The following TAAR5 variants were observed in gnomAD, a reference collection of about 807,000 sequenced individuals.
The protein encoded by TAAR5 is trace amine-associated receptor 5.
In TAAR5, 27 loss-of-function variants were observed where a neutral mutation model predicts 21.1. The ratio of observed to expected loss-of-function variants is 1.28; its 90% CI spans 0.94 to 1.76. The LOEUF (loss-of-function observed/expected upper bound fraction) is 1.76, where lower values mean the gene tolerates loss of function less well. TAAR5 is among the 40% of genes most tolerant of loss of function. The probability of loss-of-function intolerance (pLI) is 0.00; values close to 1 mark genes in which losing one functional copy is unlikely to be tolerated. For missense variants in TAAR5, 495 were observed against 405.6 expected, an observed-to-expected ratio of 1.22 and a Z score of -1.89; for synonymous variants, 203 against 167.5, an observed-to-expected ratio of 1.21 and a Z score of -1.64.
the TAAR5 span, among the ~76,000 whole-genome samples, chr6:132,610,774 C>A: frequency 1.3e-5 from 2 of 152,148 alleles, no homozygotes; most frequent in African/African-American, 4.8e-5. Flanking sequence ...GAGGAGGTAG[C>A]AAAAGAGCCT....
chr6:132,602,162 G>C, the TAAR5 span, among the ~76,000 whole-genome samples: 2 of 151,982 alleles, frequency 1.3e-5, no homozygotes, highest in African/African-American at 4.8e-5. Flanking sequence ...TTGGCACCAG[G>C]GACTGGTTTC....
At chr6:132,604,785 G>A in the TAAR5 span, among the ~76,000 whole-genome samples, 48 of 152,224 alleles carry the variant, frequency 3.2e-4, no homozygotes, top group South Asian at 1.0e-3. Context: ...TGACTGAGGA[G>A]AGTTTAATAA....
At chr6:132,593,134 G>A (rs145795639), upstream of TAAR5, among the ~76,000 whole-genome samples, 37 of 152,200 alleles carry the variant, frequency 2.4e-4, no homozygotes, top group Non-Finnish European at 4.4e-4. Context: ...TCTAATAGAG[G>A]CTCTGGTTCC....
At chr6:132,610,950 C>G in the TAAR5 span, among the ~76,000 whole-genome samples, 7 of 151,928 alleles carry the variant, frequency 4.6e-5, no homozygotes, top group Admixed American at 4.6e-4. Context: ...TTCTTGTAAA[C>G]AAATAGGAAA....
At position 132,589,271 on chromosome 6, in the gene TAAR5, G is replaced by A. The variant is rs755023939; in HGVS notation, c.416C>T (p.Pro139Leu). Residue 139 changes from proline (P) to leucine (L), a missense_variant, in exon 1 of 1, where the codon CCC (proline) becomes CTC (leucine). Coordinates refer to ENST00000258034, the MANE Select transcript of TAAR5 (RefSeq NM_003967.3). ...SIDRHCAICD[P>L]LLYPSKFTVR... ...TGTGAACTTGGAGGGATAGAGCAGGGGGTCACAGATGGCACAGTGGCGGTC... is the reference window on the plus strand; with the variant it reads ...TGTGAACTTGGAGGGATAGAGCAGGAGGTCACAGATGGCACAGTGGCGGTC... 1 of 1,610,778 alleles carries A rather than the reference G, an allele frequency of 6.2e-7. No individual in the cohort carries two copies. Among genetic ancestry groups the A allele is most frequent in the Admixed American group, 1.7e-5 (1 of 59,812 alleles).
chr6:132,592,861 C>T (rs769454137), upstream of TAAR5, among the ~76,000 whole-genome samples: 6 of 152,086 alleles, frequency 3.9e-5, no homozygotes, highest in East Asian at 1.9e-4. Context: ...ACTCTGCACC[C>T]GGCTCTTCTT....
At chr6:132,596,672 T>C in the TAAR5 span, among the ~76,000 whole-genome samples, 9 of 152,154 alleles carry the variant, frequency 5.9e-5, no homozygotes, top group African/African-American at 1.9e-4. Context: ...TTTTTTTAAA[T>C]ACCAATCAAA....
the TAAR5 span, among the ~76,000 whole-genome samples, chr6:132,603,302 C>CAAAAAAAAA: frequency 1.0e-5 from 1 of 99,258 alleles, no homozygotes; most frequent in Non-Finnish European, 2.1e-5. Flanking sequence ...GACCCTATCT[C>CAAAAAAAAA]AAAAAAAAAA....
chr6:132,595,980 A>T, the TAAR5 span, among the ~76,000 whole-genome samples: 4 of 152,222 alleles, frequency 2.6e-5, no homozygotes, highest in African/African-American at 9.6e-5. Context: ...TCGATTAAGG[A>T]AACATTTATC....
chr6:132,588,912 C>T lies in TAAR5; in HGVS notation c.775G>A (p.Gly259Ser). The part of the protein sequence containing the change: ...KAAKTLGIAV[G>S]IYLLCWLPFT... ...GGCAGCCAGCACAAGAGGTATATGCCCACAGCAATGCCCAGGGTCTTGGCA... is the reference window on the plus strand; with the variant it reads ...GGCAGCCAGCACAAGAGGTATATGCTCACAGCAATGCCCAGGGTCTTGGCA... Residue 259 changes from glycine (G) to serine (S), a missense_variant, in exon 1 of 1, where the codon GGC becomes AGC. Physicochemically the swap from Gly to Ser is moderately conservative, Grantham distance 56. Coordinates refer to ENST00000258034, the MANE Select transcript of TAAR5 (RefSeq NM_003967.3). 1 of 1,614,090 alleles carries T rather than the reference C, an allele frequency of 6.2e-7. No homozygotes were observed. Among genetic ancestry groups the T allele is most frequent in the South Asian group, 1.1e-5 (1 of 91,086 alleles).
chr6:132,595,744 A>G, the TAAR5 span, among the ~76,000 whole-genome samples: 56 of 152,094 alleles, frequency 3.7e-4, no homozygotes, highest in African/African-American at 1.1e-3. Flanking sequence ...TTAACCTTAC[A>G]CAGGATTCCG....
the TAAR5 span, among the ~76,000 whole-genome samples, chr6:132,607,312 A>C: frequency 6.6e-6 from 1 of 152,052 alleles, no homozygotes. Context: ...CCCAGGTATG[A>C]GGGGTTGTGG....
At position 132,588,909 on chromosome 6, in the gene TAAR5, T is replaced by C; in HGVS notation, c.778A>G (p.Ile260Val). 2 of 1,614,146 alleles carry C rather than the reference T, an allele frequency of 1.2e-6. No homozygotes were observed. The highest frequency in any genetic ancestry group is 8.5e-7 in the Non-Finnish European group (1 of 1,180,008). The change falls in exon 1 of 1, where the codon ATA becomes GTA. Residue 260 changes from isoleucine (I) to valine (V), a missense_variant. Coordinates refer to ENST00000258034, the MANE Select transcript of TAAR5 (RefSeq NM_003967.3). ...AAKTLGIAVG[I>V]YLLCWLPFTI... Reference sequence around the variant, plus strand: ...AAGGGCAGCCAGCACAAGAGGTATATGCCCACAGCAATGCCCAGGGTCTTG... The same window carrying C: ...AAGGGCAGCCAGCACAAGAGGTATACGCCCACAGCAATGCCCAGGGTCTTG...
the TAAR5 span, among the ~76,000 whole-genome samples, chr6:132,610,121 T>A: frequency 6.6e-6 from 1 of 152,198 alleles, no homozygotes; most frequent in Admixed American, 6.5e-5. Flanking sequence ...ACATGACTCC[T>A]TTTGGTCACA....
At position 132,588,853 on chromosome 6, in the gene TAAR5, A is replaced by T. The variant is rs1166468084; in HGVS notation, c.834T>A (p.Leu278=). The T allele has an allele frequency of 1.2e-6, 2 of 1,614,068 alleles. No individual in the cohort carries two copies. Among genetic ancestry groups the T allele is most frequent in the Admixed American group, 3.3e-5 (2 of 60,002 alleles). The change falls in exon 1 of 1, where the codon CTT becomes CTA. Residue 278 remains leucine, a synonymous_variant. Coordinates refer to ENST00000258034, the MANE Select transcript of TAAR5 (RefSeq NM_003967.3). ...AGACCAGTGGGGGTGTGATAAAGTG[A>T]AGGAGGCTGTCGACCATCGTGTCTA... ...FTIDTMVDSL[L]HFITPPLVFD...
chr6:132,596,671 A>T, the TAAR5 span, among the ~76,000 whole-genome samples: 11 of 152,250 alleles, frequency 7.2e-5, no homozygotes, highest in African/African-American at 2.6e-4. Flanking sequence ...TTTTTTTTAA[A>T]TACCAATCAA....
the TAAR5 span, among the ~76,000 whole-genome samples, chr6:132,615,774 T>C: frequency 6.6e-6 from 1 of 152,008 alleles, no homozygotes; most frequent in Non-Finnish European, 1.5e-5. Flanking sequence ...CACCTGGATA[T>C]AACTACTCTC....
At chr6:132,602,437 G>C in the TAAR5 span, among the ~76,000 whole-genome samples, 9 of 152,294 alleles carry the variant, frequency 5.9e-5, no homozygotes, top group African/African-American at 1.9e-4. Flanking sequence ...TACATCCGTT[G>C]CATGCGCAGC....
At chr6:132,605,194 G>T in the TAAR5 span, among the ~76,000 whole-genome samples, 1 of 152,232 alleles carries the variant, frequency 6.6e-6, no homozygotes, top group Non-Finnish European at 1.5e-5. Context: ...GCCTGTAAAA[G>T]GACCTAGCAT....
Sources: allele counts gnomAD v4.1 joint callset (sites outside exome capture counted in the v4.1 genomes callset), GRCh38; gene constraint gnomAD v4.1.1; transcripts MANE v1.5; gene names NCBI Gene and HGNC (gene_info 2026-07-23, HGNC 2026-07-21).